The following SGCZ variants were observed in gnomAD, a reference collection of about 807,000 sequenced individuals.
SGCZ encodes the protein zeta-sarcoglycan.
In SGCZ, 40 loss-of-function variants were observed where a neutral mutation model predicts 41.3. That is an observed-to-expected ratio of 0.97 (90% CI 0.75 to 1.26). The LOEUF is 1.26. SGCZ is among the 50% of genes most tolerant of loss of function. The pLI, the probability that SGCZ is intolerant of heterozygous loss-of-function variation, is 0.00. For missense variants in SGCZ, 552 were observed against 369.8 expected, an observed-to-expected ratio of 1.49 and a Z score of -4.04; for synonymous variants, 206 against 137.5, an observed-to-expected ratio of 1.50 and a Z score of -3.49.
chr8:14,092,586 T>TG (rs1285624924), intron 7 of SGCZ, among the ~76,000 whole-genome samples: 4 of 152,106 alleles, frequency 2.6e-5, no homozygotes, highest in African/African-American at 9.6e-5. Flanking sequence ...AGTTAAATCA[T>TG]GGGGGCAGTT....
intron 1 of SGCZ, among the ~76,000 whole-genome samples, chr8:14,841,166 T>G (rs748349622): frequency 1.3e-5 from 2 of 152,020 alleles, no homozygotes; most frequent in Non-Finnish European, 2.9e-5. Context: ...GCTGCATGTC[T>G]GAAACATTAA....
chr8:14,217,339 A>AC (rs1279268025), intron 4 of SGCZ, among the ~76,000 whole-genome samples: 1 of 144,906 alleles, frequency 6.9e-6, no homozygotes, highest in Non-Finnish European at 1.5e-5. Flanking sequence ...ACACACACAC[A>AC]CCCACACGCA....
At chr8:14,534,303 G>T (rs1356026130) in intron 2 of SGCZ, among the ~76,000 whole-genome samples, 1 of 151,826 alleles carries the variant, frequency 6.6e-6, no homozygotes, top group East Asian at 1.9e-4. Context: ...CAGTGAAAAT[G>T]GTGGGGAGAT....
intron 1 of SGCZ, among the ~76,000 whole-genome samples, chr8:14,928,754 G>A (rs995909887): frequency 6.6e-6 from 1 of 152,138 alleles, no homozygotes; most frequent in Non-Finnish European, 1.5e-5. Flanking sequence ...TAACAGATTT[G>A]AAGGTATTTC....
chr8:14,731,090 G>A (rs1297710479), intron 1 of SGCZ, among the ~76,000 whole-genome samples: 1 of 151,940 alleles, frequency 6.6e-6, no homozygotes, highest in South Asian at 2.1e-4. Flanking sequence ...GCACAAGTAT[G>A]TTTATTGTGG....
intron 1 of SGCZ, among the ~76,000 whole-genome samples, chr8:14,920,182 G>A (rs532474464): frequency 3.3e-4 from 50 of 152,256 alleles, no homozygotes; most frequent in Non-Finnish European, 5.7e-4. Context: ...TTCTGACACT[G>A]TGGAGGGCTG....
chr8:14,837,691 C>A (rs116584804), intron 1 of SGCZ, among the ~76,000 whole-genome samples: 2,745 of 152,108 alleles, frequency 0.018, 84 homozygotes, highest in African/African-American at 0.063. Context: ...TATTTATGAA[C>A]TTATTTATAT....
At chr8:14,339,082 A>G (rs1349077561) in intron 2 of SGCZ, among the ~76,000 whole-genome samples, 1 of 149,082 alleles carries the variant, frequency 6.7e-6, no homozygotes, top group Non-Finnish European at 1.5e-5. Context: ...CATGTTGACA[A>G]CTATAACATA....
intron 1 of SGCZ, among the ~76,000 whole-genome samples, chr8:14,590,627 T>C (rs936865477): frequency 6.6e-6 from 1 of 150,440 alleles, no homozygotes; most frequent in Admixed American, 6.6e-5. Flanking sequence ...AAACAACAAA[T>C]GGCAAAACCA....
intron 4 of SGCZ, among the ~76,000 whole-genome samples, chr8:14,188,804 T>G (rs537901070): frequency 1.3e-3 from 174 of 132,384 alleles, no homozygotes; most frequent in African/African-American, 4.5e-3. Context: ...CTTGTTTTTT[T>G]TTTGTTTGTT....
intron 2 of SGCZ, among the ~76,000 whole-genome samples, chr8:14,504,101 A>G (rs903228875): frequency 6.6e-6 from 1 of 151,910 alleles, no homozygotes; most frequent in Non-Finnish European, 1.5e-5. Context: ...TTTTGTCTCA[A>G]TTATATTTTT....
intron 2 of SGCZ, among the ~76,000 whole-genome samples, chr8:14,531,004 C>T (rs1803112605): frequency 6.6e-6 from 1 of 151,910 alleles, no homozygotes; most frequent in African/African-American, 2.4e-5. Flanking sequence ...GAAACTTGAC[C>T]TTCAAGTCAA....
intron 1 of SGCZ, among the ~76,000 whole-genome samples, chr8:14,764,100 C>T (rs913065829): frequency 5.3e-5 from 8 of 152,080 alleles, no homozygotes; most frequent in African/African-American, 1.4e-4. Context: ...GGAAATGCTT[C>T]AAGACTAATG....
intron 4 of SGCZ, among the ~76,000 whole-genome samples, chr8:14,196,400 G>GA (rs1170315750): frequency 1.3e-5 from 2 of 151,884 alleles, no homozygotes; most frequent in Non-Finnish European, 2.9e-5. Flanking sequence ...AAGACAGAAA[G>GA]AGAGACAATA....
At chr8:14,725,865 G>C (rs2250782) in intron 1 of SGCZ, among the ~76,000 whole-genome samples, 56,388 of 152,058 alleles carry the variant, frequency 0.37, 12,686 homozygotes, top group Non-Finnish European at 0.51. Flanking sequence ...AAGATGGAAA[G>C]GCGATTACTA....
intron 1 of SGCZ, among the ~76,000 whole-genome samples, chr8:14,718,975 G>C: frequency 6.7e-6 from 1 of 148,458 alleles, no homozygotes; most frequent in African/African-American, 2.5e-5. Context: ...TTAGCATTAG[G>C]TATATCTTCC....
At chr8:14,874,011 A>C (rs750603641) in intron 1 of SGCZ, among the ~76,000 whole-genome samples, 1 of 151,982 alleles carries the variant, frequency 6.6e-6, no homozygotes, top group Non-Finnish European at 1.5e-5. Flanking sequence ...GGGCAAAAAT[A>C]ATTACGATGA....
intron 4 of SGCZ, among the ~76,000 whole-genome samples, chr8:14,177,618 T>C (rs1040253716): frequency 6.6e-6 from 1 of 151,412 alleles, no homozygotes; most frequent in Non-Finnish European, 1.5e-5. Context: ...CATGCCATTC[T>C]CCTGCCTCAG....
At chr8:14,702,258 C>T (rs1809162106) in intron 1 of SGCZ, among the ~76,000 whole-genome samples, 1 of 151,880 alleles carries the variant, frequency 6.6e-6, no homozygotes, top group Non-Finnish European at 1.5e-5. Context: ...GGTTTTCCTC[C>T]CACATTAATG....
Sources: allele counts gnomAD v4.1 joint callset (sites outside exome capture counted in the v4.1 genomes callset), GRCh38; gene constraint gnomAD v4.1.1; transcripts MANE v1.5; gene names NCBI Gene and HGNC (gene_info 2026-07-23, HGNC 2026-07-21).